Variants in FAM78A observed in about 807,000 individuals in gnomAD.
FAM78A encodes protein FAM78A.
In FAM78A, 12 loss-of-function variants were observed where a neutral mutation model predicts 22.6. That is an observed-to-expected ratio of 0.53 (90% CI 0.34 to 0.86). The LOEUF (loss-of-function observed/expected upper bound fraction) is 0.86, where lower values mean the gene tolerates loss of function less well. Among genes scored for constraint, FAM78A ranks in the 40% least tolerant of loss-of-function variants. The pLI, the probability that FAM78A is intolerant of heterozygous loss-of-function variation, is 0.02. For synonymous variants in FAM78A, 151 were observed against 155.8 expected (o/e 0.97, Z 0.23); for missense variants, 322 against 396.1 (o/e 0.81, Z 1.59).
At chr9:131,266,187 G>T (rs1469113453) in intron 1 of FAM78A, among the ~76,000 whole-genome samples, 1 of 152,034 alleles carries the variant, frequency 6.6e-6, no homozygotes. Context: ...CCAGCCTCCT[G>T]CAATCTGTTC....
At chr9:131,276,785 G>T (rs975661452), upstream of FAM78A, among the ~76,000 whole-genome samples, 4 of 150,908 alleles carry the variant, frequency 2.7e-5, no homozygotes, top group African/African-American at 9.7e-5. This position sits in a 1 kb window ranked among gnomAD's most constrained non-coding sequence, Gnocchi z 4.3. Flanking sequence ...ACGGGGGAGC[G>T]CGGCGCGGGT....
At chr9:131,270,729 G>C (rs3802348) in intron 1 of FAM78A, among the ~76,000 whole-genome samples, 6 of 151,164 alleles carry the variant, frequency 4.0e-5, no homozygotes, top group African/African-American at 1.5e-4. Context: ...CTCAGACCCC[G>C]GCTTCAGGAA....
rs115915990 is a variant in FAM78A, at chr9:131,264,490, G to A, written c.324-3140C>T. ...CTCGCACTGTGGTCCAGTCACAGAC[G>A]CGCTGAGCTCTACCAGCTCTTCAGC... On this transcript the variant is annotated intron_variant, in intron 1 of 1. Transcript: ENST00000372271. 6.8e-4 allele frequency: 461 copies of A among 682,958 alleles called. 1 individual carries two copies. In the African/African-American group the frequency reaches 7.5e-3, roughly 11 times the overall value. 42.3% of individuals were successfully genotyped at this position (682,958 alleles called of 1,614,324 possible).
At chr9:131,277,082 C>A (rs1431891876), upstream of FAM78A, among the ~76,000 whole-genome samples, 1 of 151,158 alleles carries the variant, frequency 6.6e-6, no homozygotes, top group East Asian at 1.9e-4. The surrounding 1 kb of genome is among the most constrained non-coding windows in gnomAD (Gnocchi z 8.4). Context: ...TCTGGGCGGT[C>A]TCCCCGGAGG....
chr9:131,264,358 G>T (rs1835314248), intron 1 of FAM78A: 3 of 527,004 alleles, frequency 5.7e-6, no homozygotes, highest in Admixed American at 3.5e-5. Context: ...GCGTCACGCG[G>T]GGCATGGCTC....
Position 131,276,217 on chromosome 9 carries a change from G to A in FAM78A, c.-38C>T, listed in dbSNP as rs139262340. On this transcript the variant is annotated 5_prime_UTR_variant, in exon 1 of 2. Transcript: ENST00000372271. The surrounding 1 kb of genome is among the most constrained non-coding windows in gnomAD (Gnocchi z 4.3). ...GGCTGCAGGACCCAGTACAGACGGC[G>A]CTGCTCTCCAATCTCAACTCTCAAG... The A allele has an allele frequency of 9.9e-5, 153 of 1,546,422 alleles. No homozygotes were observed. The African/African-American group carries it at 1.8e-3, about 18-fold the overall frequency.
At chr9:131,271,528 G>A (rs1564238914) in intron 1 of FAM78A, among the ~76,000 whole-genome samples, 2 of 152,204 alleles carry the variant, frequency 1.3e-5, no homozygotes, top group Non-Finnish European at 2.9e-5. Context: ...GAAAGGTTAA[G>A]AGGCTGGCCC....
rs1010387189 is a variant in FAM78A, at chr9:131,272,654, C to A, written c.323+3203G>T. Among the ~76,000 whole-genome samples the A allele has an allele frequency of 6.6e-6, 1 of 152,158 alleles. No individual in the cohort carries two copies. The highest frequency in any genetic ancestry group is 2.4e-5 in the African/African-American group (1 of 41,432). On this transcript the variant is annotated intron_variant, in intron 1 of 1. Coordinates refer to ENST00000372271, the MANE Select transcript of FAM78A (RefSeq NM_033387.4). The surrounding 1 kb of genome is among the most constrained non-coding windows in gnomAD (Gnocchi z 4.1). ...GGAGACAGGAAGGGGGTTTTAAATC[C>A]CACCCAAGGCTCACACCTGTAATCC...
chr9:131,269,714 T>A (rs985884166), intron 1 of FAM78A, among the ~76,000 whole-genome samples: 1 of 152,108 alleles, frequency 6.6e-6, no homozygotes, highest in East Asian at 1.9e-4. Flanking sequence ...TGACCTCAGA[T>A]GATCCACCTG....
intron 1 of FAM78A, chr9:131,264,381 A>G (rs1466417157): frequency 1.8e-6 from 1 of 560,862 alleles, no homozygotes; most frequent in African/African-American, 1.9e-5. Context: ...GGCCAGGGCC[A>G]AATCGTCACC....
At chr9:131,279,576 C>T (rs1042120846), upstream of FAM78A, among the ~76,000 whole-genome samples, 5 of 152,208 alleles carry the variant, frequency 3.3e-5, no homozygotes, top group Non-Finnish European at 7.3e-5. Context: ...CAGAGCTGCA[C>T]GTCCCTCTCG....
chr9:131,262,476 C>CAA (rs113855141), intron 1 of FAM78A, among the ~76,000 whole-genome samples: 4 of 105,650 alleles, frequency 3.8e-5, no homozygotes, highest in Non-Finnish European at 4.2e-5. Context: ...ACTCTGTCTG[C>CAA]AAAAAAAAAA....
At chr9:131,279,996 A>G (rs75667150), upstream of FAM78A, among the ~76,000 whole-genome samples, 778 of 152,312 alleles carry the variant, frequency 5.1e-3, 12 homozygotes, top group African/African-American at 0.018. Context: ...AAGTCCTACC[A>G]GCAGAGGTGT....
Position 131,260,138 on chromosome 9 carries a change from G to C in FAM78A, c.*684C>G. 6.6e-6 allele frequency: 1 copy of C among 152,638 alleles called. No individual in the cohort carries two copies. The highest frequency in any genetic ancestry group is 2.1e-4 in the South Asian group (1 of 4,826). The allele number at this position is 152,638 out of a possible 1,614,324, so 9.5% of individuals were successfully genotyped here. The stretch of plus-strand genomic sequence containing the variant: ...AAAGAAAGAGTGAGCAGCTGGTTTC[G>C]GGTCTAAATGCCCATCCTCACCCTT... On this transcript the variant is annotated 3_prime_UTR_variant, in exon 2 of 2. Coordinates refer to ENST00000372271, the MANE Select transcript of FAM78A (RefSeq NM_033387.4). This position sits in a 1 kb window ranked among gnomAD's most constrained non-coding sequence, Gnocchi z 5.4.
chr9:131,271,402 G>A (rs537442939), intron 1 of FAM78A, among the ~76,000 whole-genome samples: 5 of 152,254 alleles, frequency 3.3e-5, no homozygotes, highest in African/African-American at 9.6e-5. Flanking sequence ...TGGTATTGAC[G>A]GCTACCATAT....
upstream of FAM78A, among the ~76,000 whole-genome samples, chr9:131,279,453 CTG>C (rs963467398): frequency 6.6e-6 from 1 of 152,332 alleles, no homozygotes; most frequent in African/African-American, 2.4e-5. Context: ...TTTGAGATGT[CTG>C]TTTCATTTCC....
intron 1 of FAM78A, among the ~76,000 whole-genome samples, chr9:131,273,011 G>T (rs1835438949): frequency 6.6e-6 from 1 of 152,120 alleles, no homozygotes; most frequent in Non-Finnish European, 1.5e-5. Context: ...TTTCCATTCA[G>T]CAAGGAGCTA....
At chr9:131,264,681 C>T in intron 1 of FAM78A, 2 of 705,590 alleles carry the variant, frequency 2.8e-6, no homozygotes, top group South Asian at 3.0e-5. Context: ...CCAGGTAGCC[C>T]TGATTTGACC....
rs1019453739 is a variant in FAM78A at position 131,261,376 on chromosome 9, T to G, written c.324-26A>C. 2.6e-6 allele frequency: 4 copies of G among 1,533,104 alleles called. No individual in the cohort carries two copies. The African/African-American group carries it at 5.5e-5, about 21-fold the overall frequency. 95.0% of individuals were successfully genotyped at this position (1,533,104 alleles called of 1,614,324 possible). ...CTGAGGACAAGGAAGGCCAGTTCAC[T>G]CACTCGGTCACTCAAGGAGGGCTTT... On this transcript the variant is annotated intron_variant, in intron 1 of 1. Transcript: ENST00000372271. The surrounding 1 kb of genome is among the most constrained non-coding windows in gnomAD (Gnocchi z 7.1).
Sources: gnomAD v4.1 joint callset for allele counts (sites outside exome capture counted in the v4.1 genomes callset) on GRCh38, gnomAD v4.1.1 for gene constraint, Gnocchi (gnomAD v3.1) non-coding constraint, MANE v1.5 for transcripts, NCBI Gene and HGNC (gene_info 2026-07-23, HGNC 2026-07-21) for gene names.